The following ANKEF1 variants were observed in gnomAD, a reference collection of about 807,000 sequenced individuals.
ANKEF1 encodes ankyrin repeat and EF-hand domain-containing protein 1.
ANKEF1 carries 43 observed loss-of-function variants against 65.1 expected under a neutral mutation model. That is an observed-to-expected ratio of 0.66 (90% CI 0.52 to 0.85). The LOEUF (loss-of-function observed/expected upper bound fraction) is 0.85, where lower values mean the gene tolerates loss of function less well. ANKEF1 is among the 40% of genes least tolerant of loss of function. ANKEF1 has a pLI of 0.00. For synonymous variants in ANKEF1, 316 were observed against 341.5 expected (o/e 0.93, Z 0.82); for missense variants, 934 against 952.9 (o/e 0.98, Z 0.26).
intron 10 of ANKEF1, 136 bp downstream of exon 10, chr20:10,054,735 C>A: frequency 2.2e-6 from 2 of 907,202 alleles, no homozygotes; most frequent in Non-Finnish European, 3.2e-6. Context: ...TGTTCTTTTG[C>A]CAGGTTCTGG....
chr20:10,041,292 T>C (rs1984174312), intron 3 of ANKEF1, among the ~76,000 whole-genome samples: 1 of 150,822 alleles, frequency 6.6e-6, no homozygotes, highest in South Asian at 2.1e-4. Context: ...GTTATTTTAG[T>C]TTTTTTATTT....
intron 6 of ANKEF1, among the ~76,000 whole-genome samples, chr20:10,049,122 A>G (rs1984683534): frequency 6.6e-6 from 1 of 152,172 alleles, no homozygotes; most frequent in Non-Finnish European, 1.5e-5. Context: ...GTGTGTTTCA[A>G]ATATCTCTAG....
intron 7 of ANKEF1, among the ~76,000 whole-genome samples, chr20:10,050,809 A>G (rs529266951): frequency 1.3e-5 from 2 of 152,290 alleles, no homozygotes; most frequent in East Asian, 1.9e-4. Context: ...CTATTTGAGG[A>G]TCTCAACAAC....
chr20:10,045,205 A>T (rs755641495), intron 5 of ANKEF1, among the ~76,000 whole-genome samples: 4 of 152,182 alleles, frequency 2.6e-5, no homozygotes, highest in Non-Finnish European at 4.4e-5. Flanking sequence ...GCTGTTTTCC[A>T]TGCTCTGATG....
At position 10,043,138 on chromosome 20, in the gene ANKEF1, C is replaced by T. The variant is rs759536729; in HGVS notation, c.363C>T (p.Cys121=). The T allele has an allele frequency of 6.2e-6, 10 of 1,614,056 alleles. No homozygotes were observed. The Admixed American group carries it at 1.7e-4, about 27-fold the overall frequency. ...DNEGKGVLFY[C]ILPTKRHYRC... ...TCTCTGCAGGTGTTTTGTTTTACTG[C>T]ATTTTACCGACTAAGCGGCATTATC... Residue 121 remains cysteine, a synonymous_variant, in exon 4 of 11, where the codon TGC becomes TGT. Coordinates refer to ENST00000378392, the MANE Select transcript of ANKEF1 (RefSeq NM_022096.6).
chr20:10,054,491 A>AT lies in ANKEF1; in HGVS notation c.2064_2065insT (p.Thr689TyrfsTer12). ...TGCTGTCATCAATTTATGGTGTACC[A>AT]ACCACATCAGAGGGAAAGAAAGTAC... On this transcript the variant is annotated frameshift_variant, in exon 10 of 11. Transcript: ENST00000378392. LOFTEE classifies it high-confidence loss of function. 6.2e-7 allele frequency: 1 copy of AT among 1,601,682 alleles called. No individual in the cohort carries two copies. Among genetic ancestry groups the AT allele is most frequent in the Non-Finnish European group, 8.5e-7 (1 of 1,175,698 alleles).
At chr20:10,043,443 G>GAA in intron 4 of ANKEF1, 122 bp downstream of exon 4, 2 of 875,514 alleles carry the variant, frequency 2.3e-6, no homozygotes, top group Non-Finnish European at 3.5e-6. Flanking sequence ...GATTCAAAAT[G>GAA]CTTGAAGATG....
At chr20:10,048,783 A>G (rs1189032948) in intron 6 of ANKEF1, among the ~76,000 whole-genome samples, 1 of 152,202 alleles carries the variant, frequency 6.6e-6, no homozygotes, top group Non-Finnish European at 1.5e-5. Flanking sequence ...TCTAACTTGC[A>G]CATAAATATA....
In ANKEF1 at chr20:10,048,124, A is replaced by T. The variant is rs190832881; in HGVS notation, c.821-1266A>T. On this transcript the variant is annotated intron_variant, in intron 6 of 10. Transcript: ENST00000378392. ...TTACACTATAGAGTCACTGTTCTTA[A>T]AACTATCCAATATAGAAATTTTATA... 2.9e-3 allele frequency among the ~76,000 whole-genome samples: 438 copies of T among 152,302 alleles called. 3 individuals carry two copies. Among genetic ancestry groups the T allele is most frequent in the African/African-American group, 9.9e-3 (413 of 41,568 alleles).
In ANKEF1 at chr20:10,056,459, A is replaced by AGGT. The variant is rs1568519843; in HGVS notation, c.*800_*801insGTG. ...TAGAAAGGCAGATAGACAGATATAT[A>AGGT]GATGATAGATAGATAGATGATAGAT... On this transcript the variant is annotated 3_prime_UTR_variant, in exon 11 of 11. Transcript: ENST00000378392. 3.4e-5 allele frequency: 2 copies of AGGT among 59,380 alleles called. No individual in the cohort carries two copies. Among genetic ancestry groups the AGGT allele is most frequent in the South Asian group, 5.6e-4 (1 of 1,792 alleles). 3.7% of individuals were successfully genotyped at this position (59,380 alleles called of 1,614,324 possible). A position where few individuals can be genotyped will look rare whatever the true frequency, so the allele number is the denominator to read the frequency against.
chr20:10,053,493 A>G (rs1233843195), intron 9 of ANKEF1, among the ~76,000 whole-genome samples: 1 of 152,220 alleles, frequency 6.6e-6, no homozygotes, highest in African/African-American at 2.4e-5. Context: ...AAGAGAATCC[A>G]TACAAAAACC....
chr20:10,039,513 G>T (rs1253209634), intron 3 of ANKEF1, among the ~76,000 whole-genome samples: 8 of 152,186 alleles, frequency 5.3e-5, no homozygotes, highest in Admixed American at 5.2e-4. Context: ...CTTGGTGTTT[G>T]ATATGATTAC....
At chr20:10,038,213 A>T (rs907575067) in intron 2 of ANKEF1, 45 bp from the exon 3 acceptor site, 11 of 758,190 alleles carry the variant, frequency 1.5e-5, no homozygotes, top group Non-Finnish European at 1.8e-5. Context: ...CAAAATGAAG[A>T]TGATAAAATT....
Position 10,049,356 on chromosome 20 carries a change from C to T in ANKEF1, c.821-34C>T, listed in dbSNP as rs373127767. 5.8e-6 allele frequency: 9 copies of T among 1,563,820 alleles called. No homozygotes were observed. In the African/African-American group the frequency reaches 9.6e-5, roughly 17 times the overall value. On this transcript the variant is annotated intron_variant, in intron 6 of 10. Coordinates refer to ENST00000378392, the MANE Select transcript of ANKEF1 (RefSeq NM_022096.6). ...ACTTATAGCCATGCAAATGCCTTGG[C>T]ACCATTCATAATTAATGATGCTTTA...
At chr20:10,043,569 A>G (rs1413080153) in intron 4 of ANKEF1, among the ~76,000 whole-genome samples, 1 of 152,142 alleles carries the variant, frequency 6.6e-6, no homozygotes, top group Non-Finnish European at 1.5e-5. Context: ...AAATAGTAAA[A>G]AAAGGCATTG....
At position 10,049,675 on chromosome 20, in the gene ANKEF1, A is replaced by G. The variant is rs992048595; in HGVS notation, c.1106A>G (p.Tyr369Cys). The G allele has an allele frequency of 6.2e-7, 1 of 1,614,196 alleles. No individual in the cohort carries two copies. The highest frequency in any genetic ancestry group is 8.5e-7 in the Non-Finnish European group (1 of 1,180,024). The stretch of plus-strand genomic sequence containing the variant: ...ATGGTGTTGGAGGAAAGGCAGGATT[A>G]TGCAAGCTCAGAACAGCTGGCTGCC... ...FVMVLEERQD[Y>C]ASSEQLAAIA... The change falls in exon 7 of 11, where the codon TAT becomes TGT. Residue 369 changes from tyrosine (Y) to cysteine (C), a missense_variant. Coordinates refer to ENST00000378392, the MANE Select transcript of ANKEF1 (RefSeq NM_022096.6).
At chr20:10,040,265 C>T (rs1984104479) in intron 3 of ANKEF1, among the ~76,000 whole-genome samples, 1 of 152,246 alleles carries the variant, frequency 6.6e-6, no homozygotes, top group South Asian at 2.1e-4. Context: ...TTGCACATCC[C>T]TCAGTTTGGC....
At chr20:10,047,606 C>T (rs1984591467) in intron 6 of ANKEF1, among the ~76,000 whole-genome samples, 1 of 152,178 alleles carries the variant, frequency 6.6e-6, no homozygotes, top group African/African-American at 2.4e-5. Context: ...ATTGGCAACT[C>T]CCTGTAAGCA....
chr20:10,055,287 A>G (rs79067738), intron 10 of ANKEF1, among the ~76,000 whole-genome samples: 219 of 152,160 alleles, frequency 1.4e-3, no homozygotes, highest in African/African-American at 5.2e-3. Context: ...CTAGACAGTC[A>G]TCATCAAAAA....
Sources: gnomAD v4.1 joint callset for allele counts (sites outside exome capture counted in the v4.1 genomes callset) on GRCh38, gnomAD v4.1.1 for gene constraint, MANE v1.5 for transcripts, NCBI Gene and HGNC (gene_info 2026-07-23, HGNC 2026-07-21) for gene names.